The following ZC3H12B variants were observed in gnomAD, a reference collection of about 807,000 sequenced individuals.
The protein encoded by ZC3H12B is probable ribonuclease ZC3H12B.
Under a neutral mutation model 43.9 loss-of-function variants are expected in ZC3H12B, and 7 were observed. The observed-to-expected ratio is 0.16, with a 90% confidence interval of 0.09 to 0.30. The LOEUF (loss-of-function observed/expected upper bound fraction) is 0.30, where lower values mean the gene tolerates loss of function less well. ZC3H12B is among the 10% of genes least tolerant of loss of function. The probability of loss-of-function intolerance (pLI) is 1.00; values close to 1 mark genes in which losing one functional copy is unlikely to be tolerated. For missense variants in ZC3H12B, 475 were observed against 670.2 expected (o/e 0.71, Z 3.22); for synonymous variants, 222 against 241.7 (o/e 0.92, Z 0.76).
intron 3 of ZC3H12B, among the ~76,000 whole-genome samples, chrX:65,431,781 T>C (rs1184059472): frequency 8.9e-6 from 1 of 112,240 alleles, no homozygotes; most frequent in Non-Finnish European, 1.9e-5. Flanking sequence ...CCATTGACTA[T>C]AGCCCATGAA....
chrX:65,254,428 G>A, the ZC3H12B span, among the ~76,000 whole-genome samples: 4 of 112,512 alleles, frequency 3.6e-5, no homozygotes, highest in African/African-American at 1.3e-4. Context: ...ACAGCATGCA[G>A]CACAACAGTG....
chrX:65,322,397 A>G, the ZC3H12B span, among the ~76,000 whole-genome samples: 1 of 112,284 alleles, frequency 8.9e-6, no homozygotes, highest in African/African-American at 3.2e-5. Flanking sequence ...AGACAAAACT[A>G]TAGCAAGTTG....
the ZC3H12B span, among the ~76,000 whole-genome samples, chrX:65,323,586 T>C: frequency 8.9e-6 from 1 of 112,476 alleles, no homozygotes; most frequent in East Asian, 2.8e-4. Context: ...CATTATCCAG[T>C]CTACCATTGA....
chrX:65,192,109 C>T, the ZC3H12B span, among the ~76,000 whole-genome samples: 2 of 109,390 alleles, frequency 1.8e-5, no homozygotes, highest in African/African-American at 3.3e-5. Context: ...AGTTGAGCGG[C>T]TTTGAGTGAG....
chrX:65,465,290 G>A (rs1325656895), intron 3 of ZC3H12B, among the ~76,000 whole-genome samples: 1 of 111,243 alleles, frequency 9.0e-6, no homozygotes, highest in Non-Finnish European at 1.9e-5. Flanking sequence ...GTGTTACTAG[G>A]TACATATATA....
At chrX:65,345,268 T>A in the ZC3H12B span, among the ~76,000 whole-genome samples, 6 of 112,127 alleles carry the variant, frequency 5.4e-5, 1 homozygote, top group Non-Finnish European at 1.1e-4. Flanking sequence ...GCAGCACTAT[T>A]CACAATAACA....
At chrX:65,167,201 T>C in the ZC3H12B span, among the ~76,000 whole-genome samples, 1 of 111,919 alleles carries the variant, frequency 8.9e-6, no homozygotes, top group Non-Finnish European at 1.9e-5. Flanking sequence ...CTTTAATCCA[T>C]CTTGAATTAG....
chrX:65,172,752 T>C, the ZC3H12B span, among the ~76,000 whole-genome samples: 2 of 111,973 alleles, frequency 1.8e-5, no homozygotes, highest in African/African-American at 6.5e-5. Flanking sequence ...TGGCATTATA[T>C]CTGAGTCCTC....
chrX:65,390,084 G>T (rs991374333), intron 2 of ZC3H12B, among the ~76,000 whole-genome samples: 2 of 111,929 alleles, frequency 1.8e-5, no homozygotes, highest in African/African-American at 3.3e-5. Context: ...CCATAAAAAA[G>T]GATGAGTTCA....
chrX:65,045,912 C>A, the ZC3H12B span, among the ~76,000 whole-genome samples: 2 of 111,645 alleles, frequency 1.8e-5, no homozygotes, highest in Non-Finnish European at 3.8e-5. Flanking sequence ...TTGTACACAT[C>A]CATCAGAGCT....
the ZC3H12B span, among the ~76,000 whole-genome samples, chrX:65,057,091 A>C: frequency 7.2e-5 from 8 of 111,747 alleles, no homozygotes; most frequent in Non-Finnish European, 1.3e-4. Flanking sequence ...TTTACATTTA[A>C]GGTTAATATT....
chrX:65,400,694 A>G (rs757137329), intron 3 of ZC3H12B, among the ~76,000 whole-genome samples: 1 of 112,018 alleles, frequency 8.9e-6, no homozygotes, highest in Non-Finnish European at 1.9e-5. Context: ...TGAAGTCCAC[A>G]GTCATTTTAT....
At chrX:65,381,723 G>A (rs1330065130) in intron 2 of ZC3H12B, among the ~76,000 whole-genome samples, 1 of 111,621 alleles carries the variant, frequency 9.0e-6, no homozygotes, top group African/African-American at 3.3e-5. Flanking sequence ...TAAAAAAGAA[G>A]AAAAGAGAGT....
chrX:65,114,068 G>A, the ZC3H12B span, among the ~76,000 whole-genome samples: 23 of 90,394 alleles, frequency 2.5e-4, no homozygotes, highest in Non-Finnish European at 4.8e-4. Flanking sequence ...ATTGATTTTT[G>A]TATGTTTGAA....
the ZC3H12B span, among the ~76,000 whole-genome samples, chrX:65,229,120 C>G: frequency 9.1e-6 from 1 of 110,364 alleles, no homozygotes; most frequent in Non-Finnish European, 1.9e-5. Flanking sequence ...ATCACACTAC[C>G]TGACTTCAAA....
the ZC3H12B span, among the ~76,000 whole-genome samples, chrX:65,269,842 C>T: frequency 9.0e-6 from 1 of 111,029 alleles, no homozygotes; most frequent in Admixed American, 9.6e-5. Context: ...AAGATTTATA[C>T]ACCTAAAACT....
the ZC3H12B span, among the ~76,000 whole-genome samples, chrX:65,065,445 T>C: frequency 8.9e-6 from 1 of 112,228 alleles, no homozygotes; most frequent in Non-Finnish European, 1.9e-5. Context: ...AAAATTCTTT[T>C]CTTCTAGAGT....
At chrX:65,315,796 C>A in the ZC3H12B span, among the ~76,000 whole-genome samples, 4 of 111,865 alleles carry the variant, frequency 3.6e-5, no homozygotes, top group Non-Finnish European at 7.5e-5. Context: ...ACCAGTTCTA[C>A]AGCAATGGCT....
the ZC3H12B span, among the ~76,000 whole-genome samples, chrX:65,038,250 C>T: frequency 9.0e-6 from 1 of 110,854 alleles, no homozygotes; most frequent in Non-Finnish European, 1.9e-5. Context: ...CCTTCTGTAC[C>T]TTTTTTTTGG....
Sources: allele counts gnomAD v4.1 joint callset (sites outside exome capture counted in the v4.1 genomes callset), GRCh38; gene constraint gnomAD v4.1.1; transcripts MANE v1.5; gene names NCBI Gene and HGNC (gene_info 2026-07-23, HGNC 2026-07-21).